ACBD6: variants seen among roughly 807,000 people sequenced by gnomAD.
ACBD6 encodes the protein acyl-CoA binding domain containing 6, also known as acyl-CoA-binding domain-containing protein 6.
A neutral mutation model predicts 37.2 loss-of-function variants in ACBD6; 28 were observed. The observed-to-expected ratio is 0.75, with a 90% CI of 0.56 to 1.03. The LOEUF is 1.03. Among genes scored for constraint, ACBD6 ranks in the 50% least tolerant of loss-of-function variants. The probability of loss-of-function intolerance (pLI) is 0.00; values close to 1 mark genes in which losing one functional copy is unlikely to be tolerated. For missense variants in ACBD6, 340 were observed against 337.4 expected (o/e 1.01, Z -0.06); for synonymous variants, 113 against 126.8 (o/e 0.89, Z 0.73).
intron 6 of ACBD6, among the ~76,000 whole-genome samples, chr1:180,364,172 T>C (rs938341399): frequency 6.6e-6 from 1 of 152,216 alleles, no homozygotes; most frequent in Non-Finnish European, 1.5e-5. Context: ...TCTACATCTA[T>C]ACAGTGATTT....
rs182051304 is a variant in ACBD6, at chr1:180,412,735, A to G, written c.573+631T>C. On this transcript the variant is annotated intron_variant, in intron 5 of 7. Transcript: ENST00000367595. ...AAAAAAATTAGCCAGGAGTGACAGC[A>G]CATGCCTGTAGTCCTGGCTACTTGG... Among the ~76,000 whole-genome samples the G allele has an allele frequency of 1.8e-4, 28 of 152,218 alleles. No individual in the cohort carries two copies. The East Asian group carries it at 5.4e-3, about 29-fold the overall frequency.
intron 6 of ACBD6, among the ~76,000 whole-genome samples, chr1:180,316,743 T>C (rs1450225581): frequency 6.6e-6 from 1 of 152,180 alleles, no homozygotes; most frequent in African/African-American, 2.4e-5. Context: ...TGAGCTCCAA[T>C]TATGTTCCAG....
intron 6 of ACBD6, among the ~76,000 whole-genome samples, chr1:180,376,708 G>A (rs116039882): frequency 0.019 from 2,843 of 152,218 alleles, 91 homozygotes; most frequent in African/African-American, 0.063. Context: ...GTAGGGAGTG[G>A]GTGAAAAAGG....
intron 5 of ACBD6, among the ~76,000 whole-genome samples, chr1:180,398,810 T>C (rs1184833261): frequency 6.6e-6 from 1 of 152,224 alleles, no homozygotes; most frequent in Non-Finnish European, 1.5e-5. Flanking sequence ...GATGTTGTCA[T>C]TTATAAAGAA....
intron 6 of ACBD6, among the ~76,000 whole-genome samples, chr1:180,380,476 A>G (rs1653597212): frequency 6.6e-6 from 1 of 152,172 alleles, no homozygotes; most frequent in Non-Finnish European, 1.5e-5. Flanking sequence ...CAGCACAATT[A>G]TCCTTTGGAA....
intron 6 of ACBD6, among the ~76,000 whole-genome samples, chr1:180,339,083 G>A (rs1252780281): frequency 6.6e-6 from 1 of 152,182 alleles, no homozygotes; most frequent in Non-Finnish European, 1.5e-5. Flanking sequence ...ACTGTTGGTG[G>A]GACTGTAAAC....
At chr1:180,335,292 G>C (rs561746743) in intron 6 of ACBD6, among the ~76,000 whole-genome samples, 2 of 152,242 alleles carry the variant, frequency 1.3e-5, no homozygotes, top group Admixed American at 6.5e-5. Context: ...AGGGAAGCCC[G>C]TCATACTAAC....
intron 3 of ACBD6, among the ~76,000 whole-genome samples, chr1:180,485,897 T>C (rs1179681165): frequency 6.6e-6 from 1 of 151,066 alleles, no homozygotes; most frequent in Non-Finnish European, 1.5e-5. Context: ...TCCATGAGTT[T>C]ATACCAATAT....
At chr1:180,397,968 G>A (rs1305718661) in intron 5 of ACBD6, among the ~76,000 whole-genome samples, 2 of 152,156 alleles carry the variant, frequency 1.3e-5, no homozygotes, top group Non-Finnish European at 1.5e-5. Flanking sequence ...CAGGAGAATC[G>A]CTTGAACTCG....
At chr1:180,366,061 A>G (rs1215467522) in intron 6 of ACBD6, among the ~76,000 whole-genome samples, 18 of 152,216 alleles carry the variant, frequency 1.2e-4, no homozygotes, top group Admixed American at 1.2e-3. Context: ...TTAAAAGAAC[A>G]TTTAAAATTT....
intron 6 of ACBD6, among the ~76,000 whole-genome samples, chr1:180,396,086 T>C (rs1046286028): frequency 6.6e-6 from 1 of 152,100 alleles, no homozygotes; most frequent in African/African-American, 2.4e-5. Context: ...ATGAGGTACC[T>C]AGAGTAGTCA....
chr1:180,436,787 A>C (rs1649054873), intron 3 of ACBD6, among the ~76,000 whole-genome samples: 2 of 152,190 alleles, frequency 1.3e-5, no homozygotes, highest in South Asian at 4.1e-4. Context: ...AACCTGAATA[A>C]AATATTGAAA....
At chr1:180,382,077 T>C (rs1653674951) in intron 6 of ACBD6, among the ~76,000 whole-genome samples, 1 of 145,898 alleles carries the variant, frequency 6.9e-6, no homozygotes, top group African/African-American at 2.6e-5. Flanking sequence ...ATTGCACCAC[T>C]GCACTCCAGC....
chr1:180,421,014 T>C (rs1648339466), intron 4 of ACBD6, among the ~76,000 whole-genome samples: 1 of 152,122 alleles, frequency 6.6e-6, no homozygotes, highest in South Asian at 2.1e-4. Context: ...CTCTCCTCAA[T>C]GATTTTTTTT....
intron 6 of ACBD6, among the ~76,000 whole-genome samples, chr1:180,317,336 G>C (rs1316042892): frequency 2.0e-5 from 3 of 152,174 alleles, no homozygotes; most frequent in Admixed American, 2.0e-4. Context: ...GTGGTTACCA[G>C]GGGCAGGGAG....
At chr1:180,361,029 G>C (rs1003366703) in intron 6 of ACBD6, among the ~76,000 whole-genome samples, 13 of 152,124 alleles carry the variant, frequency 8.5e-5, no homozygotes, top group African/African-American at 2.9e-4. Flanking sequence ...TGCTTTAAGA[G>C]TGTCTTGATG....
rs78364782 is a variant in ACBD6 at position 180,488,907 on chromosome 1, C to T, written c.384+3362G>A. ...TAGCTGGCTAATTTTAGGCAAGTTA[C>T]TAAATCTGTCTGTGTCTGAATTTCC... is the stretch of plus-strand genomic sequence containing the variant. On this transcript the variant is annotated intron_variant, in intron 3 of 7. Coordinates refer to ENST00000367595, the MANE Select transcript of ACBD6 (RefSeq NM_032360.4). 6.7e-3 allele frequency among the ~76,000 whole-genome samples: 1,014 copies of T among 152,206 alleles called. 17 individuals carry two copies. The highest frequency in any genetic ancestry group is 0.023 in the African/African-American group (968 of 41,528).
intron 7 of ACBD6, among the ~76,000 whole-genome samples, chr1:180,291,982 C>T (rs1335587309): frequency 6.6e-6 from 1 of 152,196 alleles, no homozygotes; most frequent in Non-Finnish European, 1.5e-5. Context: ...CAAAAATCAG[C>T]TGACCATTTG....
At chr1:180,364,296 A>C (rs1385251866) in intron 6 of ACBD6, among the ~76,000 whole-genome samples, 1 of 152,236 alleles carries the variant, frequency 6.6e-6, no homozygotes, top group Non-Finnish European at 1.5e-5. Context: ...ATTAAGTTAC[A>C]GCTCTACTCT....
Sources: allele counts gnomAD v4.1 joint callset (sites outside exome capture counted in the v4.1 genomes callset), GRCh38; gene constraint gnomAD v4.1.1; transcripts MANE v1.5; gene names NCBI Gene and HGNC (gene_info 2026-07-23, HGNC 2026-07-21).